Variants in MED12L observed in about 807,000 individuals in gnomAD.
MED12L encodes the protein mediator complex subunit 12L, also known as mediator of RNA polymerase II transcription subunit 12-like protein.
MED12L carries 60 observed loss-of-function variants against 281.3 expected under a neutral mutation model. That is an observed-to-expected ratio of 0.21 (90% confidence interval 0.17 to 0.26). The LOEUF (loss-of-function observed/expected upper bound fraction) is 0.26, where lower values mean the gene tolerates loss of function less well. Ranked by LOEUF, MED12L falls within the 10% of genes least tolerant of loss-of-function variation. The pLI is 1.00. For missense variants in MED12L, 2,146 were observed against 2,680.9 expected, an observed-to-expected ratio of 0.80 and a Z score of 4.41; for synonymous variants, 974 against 987.2, an observed-to-expected ratio of 0.99 and a Z score of 0.25.
At chr3:151,320,092 G>A (rs8180086) in intron 16 of MED12L, among the ~76,000 whole-genome samples, 66,624 of 151,950 alleles carry the variant, frequency 0.44, 14,794 homozygotes, top group Middle Eastern at 0.63. Context: ...CATGGCATAT[G>A]ACTTTTTCCT....
At chr3:151,139,030 A>G (rs1321358633) in intron 5 of MED12L, among the ~76,000 whole-genome samples, 2 of 151,148 alleles carry the variant, frequency 1.3e-5, no homozygotes, top group Non-Finnish European at 2.9e-5. Flanking sequence ...TCTTTCATTC[A>G]TTAATGTATG....
At chr3:151,086,253 C>T (rs1192708068) in intron 1 of MED12L, 1 of 152,144 alleles carries the variant, frequency 6.6e-6, no homozygotes, top group East Asian at 1.9e-4. Flanking sequence ...CGGCCGCTTC[C>T]CACCGGCCGC....
chr3:151,323,055 G>T (rs1456926260), intron 16 of MED12L, among the ~76,000 whole-genome samples: 1 of 152,188 alleles, frequency 6.6e-6, no homozygotes, highest in Non-Finnish European at 1.5e-5. Context: ...GGTCCTGAGA[G>T]AAATCAACCC....
At chr3:151,432,556 G>A (rs751324143) in intron 44 of MED12L, among the ~76,000 whole-genome samples, 196 bp from the exon 45 acceptor site, 3 of 152,202 alleles carry the variant, frequency 2.0e-5, no homozygotes, top group African/African-American at 4.8e-5. Flanking sequence ...AGTGTGGACT[G>A]TGAATAAAGG....
chr3:151,276,873 C>A (rs1445938332), intron 16 of MED12L, among the ~76,000 whole-genome samples: 1 of 152,030 alleles, frequency 6.6e-6, no homozygotes, highest in African/African-American at 2.4e-5. Context: ...TTGGAATCTC[C>A]CCACTGTTCT....
At chr3:151,227,559 C>A (rs1418382762) in intron 16 of MED12L, among the ~76,000 whole-genome samples, 1 of 152,222 alleles carries the variant, frequency 6.6e-6, no homozygotes. Flanking sequence ...TGTCTAAGAA[C>A]TCCAGCCTGT....
At chr3:151,127,416 A>G (rs1401408835) in intron 4 of MED12L, among the ~76,000 whole-genome samples, 1 of 152,234 alleles carries the variant, frequency 6.6e-6, no homozygotes, top group Non-Finnish European at 1.5e-5. Context: ...GATAAAATAT[A>G]GAGTAGGGAC....
At chr3:151,371,980 G>A (rs1450160880) in intron 26 of MED12L, among the ~76,000 whole-genome samples, 2 of 152,180 alleles carry the variant, frequency 1.3e-5, no homozygotes, top group Non-Finnish European at 2.9e-5. Flanking sequence ...ATGTTACAGA[G>A]AGGAAGGTAA....
At chr3:151,120,426 G>A (rs980806611) in intron 3 of MED12L, among the ~76,000 whole-genome samples, 3 of 152,102 alleles carry the variant, frequency 2.0e-5, no homozygotes, top group African/African-American at 4.8e-5. Flanking sequence ...AAATGTGAAA[G>A]GCTACTTATT....
chr3:151,241,530 G>A (rs1734077167), intron 16 of MED12L, among the ~76,000 whole-genome samples: 1 of 152,142 alleles, frequency 6.6e-6, no homozygotes, highest in African/African-American at 2.4e-5. Flanking sequence ...GACTGATGTG[G>A]AGAGATGCAA....
At chr3:151,207,020 G>C (rs1726471251) in intron 16 of MED12L, among the ~76,000 whole-genome samples, 1 of 151,042 alleles carries the variant, frequency 6.6e-6, no homozygotes, top group Non-Finnish European at 1.5e-5. Flanking sequence ...GTTCTTTGGA[G>C]AACATCTCCC....
rs76339595 is a variant in MED12L at position 151,135,096 on chromosome 3, G to C, written c.556+7112G>C. ...GGCTGGAGTGCATTGGTGTGATCTCGGCTCACGCCAACCTCCGCTCTCAGG... is the reference window on the plus strand; with the variant it reads ...GGCTGGAGTGCATTGGTGTGATCTCCGCTCACGCCAACCTCCGCTCTCAGG... On this transcript the variant is annotated intron_variant, in intron 5 of 44. Coordinates refer to ENST00000687756, the MANE Select transcript of MED12L (RefSeq NM_001393769.1). Among the ~76,000 whole-genome samples the C allele has an allele frequency of 3.9e-5, 6 of 151,924 alleles. No homozygotes were observed. In the East Asian group the frequency reaches 9.7e-4, roughly 25 times the overall value.
intron 16 of MED12L, among the ~76,000 whole-genome samples, chr3:151,201,971 GAGA>G (rs1402302990): frequency 6.6e-6 from 1 of 152,224 alleles, no homozygotes; most frequent in Non-Finnish European, 1.5e-5. Context: ...ATATGGTAAA[GAGA>G]AGAATTAGAG....
intron 11 of MED12L, among the ~76,000 whole-genome samples, chr3:151,177,307 G>A (rs62284839): frequency 5.9e-5 from 9 of 152,110 alleles, no homozygotes; most frequent in South Asian, 4.1e-4. Flanking sequence ...TGATTTACCC[G>A]TGATGTGAGC....
chr3:151,113,351 G>A (rs1386420634), intron 2 of MED12L, among the ~76,000 whole-genome samples: 1 of 152,154 alleles, frequency 6.6e-6, no homozygotes, highest in Non-Finnish European at 1.5e-5. Flanking sequence ...AGGGAAGTGT[G>A]GTTAGGGATG....
intron 11 of MED12L, among the ~76,000 whole-genome samples, chr3:151,183,756 GT>G (rs1363276091): frequency 6.6e-6 from 1 of 152,144 alleles, no homozygotes; most frequent in Non-Finnish European, 1.5e-5. Context: ...GGGAAAAGAA[GT>G]TTTTAAATTT....
chr3:151,129,908 A>G (rs1281843989), intron 5 of MED12L, among the ~76,000 whole-genome samples: 1 of 152,118 alleles, frequency 6.6e-6, no homozygotes, highest in Admixed American at 6.5e-5. Flanking sequence ...TGTTGGGACT[A>G]TAGGCGTGTG....
intron 5 of MED12L, among the ~76,000 whole-genome samples, chr3:151,141,772 C>G: frequency 6.6e-6 from 1 of 152,102 alleles, no homozygotes; most frequent in Admixed American, 6.5e-5. Flanking sequence ...TAGTTCTGTT[C>G]CAGATAGTAT....
chr3:151,346,147 C>T (rs1172262753), intron 16 of MED12L, among the ~76,000 whole-genome samples: 9 of 152,152 alleles, frequency 5.9e-5, no homozygotes, highest in Admixed American at 2.0e-4. Flanking sequence ...GTCTTCTTCA[C>T]CTCAAAATGT....
Sources: gnomAD v4.1 joint callset for allele counts (sites outside exome capture counted in the v4.1 genomes callset) on GRCh38, gnomAD v4.1.1 for gene constraint, MANE v1.5 for transcripts, NCBI Gene and HGNC (gene_info 2026-07-23, HGNC 2026-07-21) for gene names.